The following SKAP1 variants were observed in gnomAD, a reference collection of about 807,000 sequenced individuals.
The protein encoded by SKAP1 is src kinase associated phosphoprotein 1.
In SKAP1, 44 loss-of-function variants were observed where a neutral mutation model predicts 58.5. That is an observed-to-expected ratio of 0.75 (90% CI 0.59 to 0.97). The LOEUF (loss-of-function observed/expected upper bound fraction) is 0.97, where lower values mean the gene tolerates loss of function less well. Ranked by LOEUF, SKAP1 falls within the 50% of genes least tolerant of loss-of-function variation. The pLI is 0.00. For synonymous variants in SKAP1, 127 were observed against 149.7 expected (o/e 0.85, Z 1.11); for missense variants, 390 against 435.2 (o/e 0.90, Z 0.92).
rs1238658224 is a variant in SKAP1, at chr17:48,419,134, G to A, written c.46+10941C>T. ...AAAGAAGAGAGAGGGAGGGAGAGAGGGAGAAAGAAACATTAGGCTGTTGCA... is the reference window on the plus strand; with the variant it reads ...AAAGAAGAGAGAGGGAGGGAGAGAGAGAGAAAGAAACATTAGGCTGTTGCA... On this transcript the variant is annotated intron_variant, in intron 1 of 12. Coordinates refer to ENST00000336915, the MANE Select transcript of SKAP1 (RefSeq NM_003726.4). Among the ~76,000 whole-genome samples the A allele has an allele frequency of 4.0e-5, 6 of 151,340 alleles. No homozygotes were observed. The East Asian group carries it at 9.7e-4, about 24-fold the overall frequency.
intron 4 of SKAP1, chr17:48,295,578 T>A (rs1345440148): frequency 3.3e-5 from 5 of 151,996 alleles, no homozygotes. Context: ...TCAGGAAATG[T>A]CTTCAGTTTC....
At chr17:48,137,192 C>G (rs369814528) in intron 12 of SKAP1, 37 bp downstream of exon 12, 1 of 1,330,698 alleles carries the variant, frequency 7.5e-7, no homozygotes, top group African/African-American at 1.4e-5. Context: ...AAGTTCCACT[C>G]AACTATTAGG....
chr17:48,409,674 A>AG (rs975627155), intron 1 of SKAP1, among the ~76,000 whole-genome samples: 5 of 151,862 alleles, frequency 3.3e-5, no homozygotes, highest in African/African-American at 1.2e-4. Context: ...TCTCAAAAAA[A>AG]AAAAAAAAAA....
intron 4 of SKAP1, among the ~76,000 whole-genome samples, chr17:48,333,196 G>C (rs1445329907): frequency 6.6e-6 from 1 of 151,972 alleles, no homozygotes; most frequent in Non-Finnish European, 1.5e-5. Context: ...TTACTCAACT[G>C]GCAGAATTAA....
chr17:48,442,767 T>A, the SKAP1 span, among the ~76,000 whole-genome samples: 3 of 152,200 alleles, frequency 2.0e-5, no homozygotes, highest in Non-Finnish European at 4.4e-5. Context: ...GCCACCATCA[T>A]CTTCTACCTT....
At chr17:48,429,556 G>C (rs1464560350) in intron 1 of SKAP1, among the ~76,000 whole-genome samples, 1 of 152,166 alleles carries the variant, frequency 6.6e-6, no homozygotes, top group Non-Finnish European at 1.5e-5. Flanking sequence ...TAAAGGGAGG[G>C]CTGGGGTTTT....
intron 4 of SKAP1, among the ~76,000 whole-genome samples, chr17:48,314,996 C>A (rs903671158): frequency 1.3e-5 from 2 of 152,132 alleles, no homozygotes; most frequent in African/African-American, 4.8e-5. Flanking sequence ...ACATCCCAGG[C>A]AACATTCCAG....
chr17:48,268,746 C>A (rs1370323505), intron 4 of SKAP1, among the ~76,000 whole-genome samples: 2 of 152,084 alleles, frequency 1.3e-5, no homozygotes, highest in African/African-American at 4.8e-5. Context: ...CCCGCCTCAG[C>A]CTCCCAAAGT....
At chr17:48,153,927 C>A (rs2063936963) in intron 11 of SKAP1, among the ~76,000 whole-genome samples, 1 of 150,680 alleles carries the variant, frequency 6.6e-6, no homozygotes, top group African/African-American at 2.4e-5. Flanking sequence ...AAAAATCCTT[C>A]ATTTAAGGCA....
intron 1 of SKAP1, among the ~76,000 whole-genome samples, chr17:48,406,362 A>T (rs1185373386): frequency 6.6e-6 from 1 of 152,086 alleles, no homozygotes; most frequent in Non-Finnish European, 1.5e-5. Context: ...ACTGAATTAC[A>T]GGAAAATCAA....
At chr17:48,319,011 A>G (rs574226762) in intron 4 of SKAP1, among the ~76,000 whole-genome samples, 2 of 152,366 alleles carry the variant, frequency 1.3e-5, no homozygotes, top group African/African-American at 4.8e-5. Flanking sequence ...AGAAGTACAC[A>G]TAACAGTAAG....
intron 4 of SKAP1, among the ~76,000 whole-genome samples, chr17:48,312,862 T>C (rs906522287): frequency 2.6e-5 from 4 of 152,182 alleles, no homozygotes; most frequent in Admixed American, 1.3e-4. Flanking sequence ...CCATATGATA[T>C]CTTGGAGGTG....
intron 1 of SKAP1, among the ~76,000 whole-genome samples, chr17:48,420,174 T>C (rs2067777357): frequency 6.6e-6 from 1 of 152,224 alleles, no homozygotes; most frequent in African/African-American, 2.4e-5. Flanking sequence ...TAATGGCTTA[T>C]AACATGAAAA....
intron 4 of SKAP1, among the ~76,000 whole-genome samples, chr17:48,195,279 G>C (rs1295372039): frequency 6.6e-6 from 1 of 152,154 alleles, no homozygotes; most frequent in Admixed American, 6.5e-5. Context: ...ATGATAGTTT[G>C]TAGTGTCTGG....
chr17:48,134,778 A>T (rs1365273098), intron 12 of SKAP1, among the ~76,000 whole-genome samples: 1 of 151,814 alleles, frequency 6.6e-6, no homozygotes, highest in Non-Finnish European at 1.5e-5. Flanking sequence ...ATCTCGGCTC[A>T]CTGCAACCTC....
chr17:48,158,580 A>AAAG (rs1012187408), intron 11 of SKAP1, among the ~76,000 whole-genome samples: 3 of 149,390 alleles, frequency 2.0e-5, no homozygotes, highest in Non-Finnish European at 4.5e-5. Context: ...AAAAAAAAAA[A>AAAG]AAAAGAAAAA....
chr17:48,320,889 A>G (rs145805222), intron 4 of SKAP1, among the ~76,000 whole-genome samples: 1 of 152,360 alleles, frequency 6.6e-6, no homozygotes, highest in Admixed American at 6.5e-5. Flanking sequence ...GAGCAGCAGA[A>G]GGCTGTGATT....
chr17:48,331,346 CAT>C (rs1433861704), intron 4 of SKAP1, among the ~76,000 whole-genome samples: 1 of 152,110 alleles, frequency 6.6e-6, no homozygotes, highest in Non-Finnish European at 1.5e-5. Flanking sequence ...TAATTTGAAA[CAT>C]ACATCTCTTT....
upstream of SKAP1, chr17:48,430,223 C>T: frequency 2.5e-6 from 2 of 792,180 alleles, no homozygotes; most frequent in Non-Finnish European, 3.2e-6. Context: ...GTACCTCAGC[C>T]GCGGTCGCCG....
Sources: allele counts gnomAD v4.1 joint callset (sites outside exome capture counted in the v4.1 genomes callset), GRCh38; gene constraint gnomAD v4.1.1; transcripts MANE v1.5; gene names NCBI Gene and HGNC (gene_info 2026-07-23, HGNC 2026-07-21).